ESPNL: variants seen among roughly 807,000 people sequenced by gnomAD.
The protein encoded by ESPNL is espin-like protein.
ESPNL carries 49 observed loss-of-function variants against 46.8 expected under a neutral mutation model. The ratio of observed to expected loss-of-function variants is 1.05; its 90% CI spans 0.83 to 1.33. The LOEUF is 1.33. ESPNL is among the 40% of genes most tolerant of loss of function. The pLI is 0.00. For missense variants in ESPNL, 1,540 were observed against 1,436.6 expected (o/e 1.07, Z -1.16); for synonymous variants, 664 against 662.1 (o/e 1.00, Z -0.04).
chr2:238,107,837 C>A lies in ESPNL; in HGVS notation c.719C>A (p.Ala240Asp). 1 of 1,606,860 alleles carries A rather than the reference C, an allele frequency of 6.2e-7. No individual in the cohort carries two copies. The highest frequency in any genetic ancestry group is 1.1e-5 in the South Asian group (1 of 89,928). Residue 240 changes from alanine to aspartate, a missense_variant, in exon 4 of 9, where the codon GCC (alanine) becomes GAC (aspartate). Physicochemically the swap from Ala to Asp is moderately radical, Grantham distance 126. Transcript: ENST00000343063. ...IGLTARDNEG[A>D]TALHFAARGG... ...CTCACGGCACGGGACAATGAGGGGG[C>A]CACGGCCCTGCACTTTGCAGCCCGA...
In ESPNL at chr2:238,127,637, C is replaced by CGGCCT. The variant is rs777442317; in HGVS notation, c.1128_1132dup (p.His378LeufsTer13). ...TTCTTGGCAGCCATGTCCCTCAGCC[C>CGGCCT]GGCCTGGCCTGGCCATCCTGACCAG... is the stretch of plus-strand genomic sequence containing the variant. On this transcript the variant is annotated frameshift_variant, in exon 7 of 9. Coordinates refer to ENST00000343063, the MANE Select transcript of ESPNL (RefSeq NM_194312.4). LOFTEE classifies it high-confidence loss of function. 30 of 1,607,612 alleles carry CGGCCT rather than the reference C, an allele frequency of 1.9e-5. No homozygotes were observed. In the African/African-American group the frequency reaches 3.2e-4, roughly 17 times the overall value.
intron 5 of ESPNL, 30 bp from the exon 6 acceptor site, chr2:238,125,240 C>A (rs963876234): frequency 3.6e-6 from 4 of 1,103,770 alleles, no homozygotes; most frequent in East Asian, 2.8e-5. Context: ...CCACGGGGGT[C>A]CCCCACTGAC....
Position 238,131,299 on chromosome 2 carries a change from A to G in ESPNL, c.2585A>G (p.Tyr862Cys). 3.8e-6 allele frequency: 6 copies of G among 1,582,806 alleles called. No homozygotes were observed. The highest frequency in any genetic ancestry group is 4.3e-6 in the Non-Finnish European group (5 of 1,165,582). ...TCACTGGATCTCTTCATGCTGGGTT[A>G]CTTCCAGCTGCTGGAGTGCGACCTG... Reference protein sequence around the residue: ...SLSLDLFMLGYFQLLECDLPA... With the variant: ...SLSLDLFMLGCFQLLECDLPA... The change falls in exon 9 of 9, where the codon TAC becomes TGC. Residue 862 changes from tyrosine (Y) to cysteine (C), a missense_variant. Transcript: ENST00000343063.
intron 8 of ESPNL, chr2:238,129,113 A>G (rs1379461839): frequency 7.1e-7 from 1 of 1,413,398 alleles, no homozygotes; most frequent in Non-Finnish European, 9.2e-7. Context: ...CTCTGGAGGC[A>G]TGGGTCCCAC....
At chr2:238,128,934 G>A (rs1692210205) in intron 8 of ESPNL, 30 bp downstream of exon 8, 6 of 1,517,634 alleles carry the variant, frequency 4.0e-6, no homozygotes, top group Non-Finnish European at 5.3e-6. Flanking sequence ...GGGACCAGTG[G>A]GCGGGGCGGG....
rs1178485278 is a variant in ESPNL, at chr2:238,130,941, A to T, written c.2227A>T (p.Met743Leu). The T allele has an allele frequency of 3.2e-6, 5 of 1,549,824 alleles. No individual in the cohort carries two copies. The highest frequency in any genetic ancestry group is 4.4e-6 in the Non-Finnish European group (5 of 1,147,702). The change falls in exon 9 of 9, where the codon ATG (methionine) becomes TTG (leucine). Residue 743 changes from methionine (M) to leucine (L), a missense_variant. Coordinates refer to ENST00000343063, the MANE Select transcript of ESPNL (RefSeq NM_194312.4). ...CAGCCTGCGCAAGGAGCGCATCATC[A>T]TGCTCTTCCTCAGCCACTGGAGGAG... is the stretch of plus-strand genomic sequence containing the variant. ...LASLRKERII[M>L]LFLSHWRRSA...
chr2:238,105,546 C>T (rs565220009), intron 3 of ESPNL, among the ~76,000 whole-genome samples: 1 of 151,458 alleles, frequency 6.6e-6, no homozygotes, highest in East Asian at 1.9e-4. Context: ...TAGAGGAGGC[C>T]CTCTTTGAGG....
In ESPNL at chr2:238,130,111, G is replaced by C. The variant is rs1211967773; in HGVS notation, c.1414-17G>C. The C allele has an allele frequency of 6.3e-7, 1 of 1,598,684 alleles. No individual in the cohort carries two copies. The highest frequency in any genetic ancestry group is 1.3e-5 in the African/African-American group (1 of 74,800). ...TGGGTGGGCTCACCCTGCTCACCCT[G>C]CCCTTCCTGTGCCCAGGACAATGGT... is the stretch of plus-strand genomic sequence containing the variant. On this transcript the variant is annotated splice_polypyrimidine_tract_variant and intron_variant, in intron 8 of 8. Coordinates refer to ENST00000343063, the MANE Select transcript of ESPNL (RefSeq NM_194312.4).
intron 5 of ESPNL, among the ~76,000 whole-genome samples, chr2:238,121,479 C>A (rs1691986431): frequency 6.6e-6 from 1 of 152,264 alleles, no homozygotes; most frequent in African/African-American, 2.4e-5. Context: ...CTCACTGCAG[C>A]CTCAGCCTTC....
In ESPNL at chr2:238,100,453, G is replaced by A. The variant is rs747032774; in HGVS notation, c.34G>A (p.Asp12Asn). Residue 12 changes from aspartate to asparagine, a missense_variant, in exon 1 of 9, where the codon GAT becomes AAT. Physicochemically the swap from Asp to Asn is conservative, Grantham distance 23. Coordinates refer to ENST00000343063, the MANE Select transcript of ESPNL (RefSeq NM_194312.4). ...EKQRALVAAK[D>N]GDVATLERLL... ...GCAGCGGGCACTCGTGGCCGCCAAG[G>A]ATGGGGATGTGGCGACGTTGGAGCG... The A allele has an allele frequency of 3.1e-6, 5 of 1,605,222 alleles. No homozygotes were observed. The highest frequency in any genetic ancestry group is 2.5e-6 in the Non-Finnish European group (3 of 1,177,892).
chr2:238,128,730 G>T lies in ESPNL; in HGVS notation c.1239G>T (p.Gly413=). ...DPEGTETALA[G]DTSDGLAALQ... is the part of the protein sequence containing the mutation. The stretch of plus-strand genomic sequence containing the variant: ...AGGGGACAGAGACGGCGCTGGCGGG[G>T]GACACCTCAGATGGCCTGGCCGCAC... Residue 413 remains glycine, a synonymous_variant, in exon 8 of 9, where the codon GGG becomes GGT. Transcript: ENST00000343063. 6.2e-7 allele frequency: 1 copy of T among 1,602,008 alleles called. No individual in the cohort carries two copies.
chr2:238,121,913 G>C (rs1691995220), intron 5 of ESPNL, among the ~76,000 whole-genome samples: 1 of 152,262 alleles, frequency 6.6e-6, no homozygotes, highest in Non-Finnish European at 1.5e-5. Flanking sequence ...CACACAGCCA[G>C]TAATGGAATC....
chr2:238,107,377 G>A (rs1472491744), intron 3 of ESPNL, among the ~76,000 whole-genome samples: 1 of 152,202 alleles, frequency 6.6e-6, no homozygotes, highest in Admixed American at 6.5e-5. Context: ...CCAGCAAAGG[G>A]GCTCAGTGCA....
rs565056675 is a variant in ESPNL, at chr2:238,107,946, C to T, written c.828C>T (p.His276=). The change falls in exon 4 of 9, where the codon CAC becomes CAT. Residue 276 remains histidine (H), a synonymous_variant. Coordinates refer to ENST00000343063, the MANE Select transcript of ESPNL (RefSeq NM_194312.4). ...LRDSWGGTPL[H]DAAENGQMEC... Reference sequence around the variant, plus strand: ...ACTCCTGGGGTGGGACCCCCCTCCACGACGCAGCAGAGAACGGGCAGATGG... The same window carrying T: ...ACTCCTGGGGTGGGACCCCCCTCCATGACGCAGCAGAGAACGGGCAGATGG... 5.6e-6 allele frequency: 9 copies of T among 1,612,848 alleles called. No individual in the cohort carries two copies. Among genetic ancestry groups the T allele is most frequent in the Admixed American group, 1.7e-5 (1 of 59,906 alleles).
chr2:238,116,781 C>T, intron 4 of ESPNL, 122 bp from the exon 5 acceptor site: 1 of 1,310,818 alleles, frequency 7.6e-7, no homozygotes, highest in East Asian at 2.4e-5. Flanking sequence ...AGTCCTGCCC[C>T]TGCTGGGAAG....
At chr2:238,105,286 C>G (rs936895001) in intron 3 of ESPNL, among the ~76,000 whole-genome samples, 3 of 152,114 alleles carry the variant, frequency 2.0e-5, no homozygotes, top group African/African-American at 4.8e-5. Flanking sequence ...GAAGGAAGAC[C>G]TGAGACCCCA....
In ESPNL at chr2:238,131,372, C is replaced by G. The variant is rs758127176; in HGVS notation, c.2658C>G (p.Phe886Leu). Residue 886 changes from phenylalanine (F) to leucine (L), a missense_variant, in exon 9 of 9, where the codon TTC becomes TTG. Transcript: ENST00000343063. ...GCCACCTGCTGTGCTTCGAGGTCTT[C>G]GAGCACCTGGGCACCCACGGCTGGG... The part of the protein sequence containing the change: ...KLRHLLCFEV[F>L]EHLGTHGWEA... 6.2e-7 allele frequency: 1 copy of G among 1,602,886 alleles called. No homozygotes were observed. The highest frequency in any genetic ancestry group is 8.5e-7 in the Non-Finnish European group (1 of 1,175,542).
chr2:238,126,232 A>C (rs954799556), intron 6 of ESPNL, among the ~76,000 whole-genome samples: 5 of 63,018 alleles, frequency 7.9e-5, no homozygotes, highest in African/African-American at 2.6e-4. Flanking sequence ...CTGTGTCTGT[A>C]TTGTATGTAT....
In ESPNL at chr2:238,122,943, C is replaced by T. The variant is rs191890015; in HGVS notation, c.988-2327C>T. The stretch of plus-strand genomic sequence containing the variant: ...GCTTGAAGCAGCGACGCCAGCCTCT[C>T]GCTATGTCTTGAACGTGGACAAAGA... On this transcript the variant is annotated intron_variant, in intron 5 of 8. Coordinates refer to ENST00000343063, the MANE Select transcript of ESPNL (RefSeq NM_194312.4). 3.6e-3 allele frequency among the ~76,000 whole-genome samples: 548 copies of T among 152,352 alleles called. 3 individuals are homozygous for T. The highest frequency in any genetic ancestry group is 5.7e-3 in the Non-Finnish European group (388 of 68,036).
Sources: gnomAD v4.1 joint callset for allele counts (sites outside exome capture counted in the v4.1 genomes callset) on GRCh38, gnomAD v4.1.1 for gene constraint, MANE v1.5 for transcripts, NCBI Gene and HGNC (gene_info 2026-07-23, HGNC 2026-07-21) for gene names.